Variants in PDE4D observed in about 807,000 individuals in gnomAD.
The protein encoded by PDE4D is 3',5'-cyclic-AMP phosphodiesterase 4D.
PDE4D carries 24 observed loss-of-function variants against 87.4 expected under a neutral mutation model. The observed-to-expected ratio is 0.27, with a 90% CI of 0.20 to 0.39. The LOEUF (loss-of-function observed/expected upper bound fraction) is 0.39. Among genes scored for constraint, PDE4D ranks in the 10% least tolerant of loss-of-function variants. The pLI is 1.00. For missense variants in PDE4D, 714 were observed against 1,041.0 expected (o/e 0.69, Z 4.32); for synonymous variants, 384 against 383.2 (o/e 1.00, Z -0.02).
chr5:60,239,832 T>G (rs1746874378), intron 1 of PDE4D, among the ~76,000 whole-genome samples: 1 of 152,062 alleles, frequency 6.6e-6, no homozygotes, highest in Non-Finnish European at 1.5e-5. Context: ...TTTCCTGAAC[T>G]TTTGTATTAT....
intron 1 of PDE4D, among the ~76,000 whole-genome samples, chr5:60,446,297 A>C (rs1431328135): frequency 6.6e-6 from 1 of 152,184 alleles, no homozygotes; most frequent in Non-Finnish European, 1.5e-5. Context: ...CATCCTAAGG[A>C]AATAATCCTG....
intron 3 of PDE4D, among the ~76,000 whole-genome samples, chr5:59,912,627 T>C (rs1480317467): frequency 1.3e-5 from 2 of 152,182 alleles, no homozygotes; most frequent in Non-Finnish European, 1.5e-5. Flanking sequence ...GGGTTGTACA[T>C]TCTTAGGCCC....
At chr5:59,592,987 T>A (rs941931689) in intron 1 of PDE4D, among the ~76,000 whole-genome samples, 5 of 151,692 alleles carry the variant, frequency 3.3e-5, no homozygotes, top group African/African-American at 1.2e-4. Context: ...TAATTTAAAA[T>A]TTTTTAATAA....
intron 1 of PDE4D, among the ~76,000 whole-genome samples, chr5:59,836,781 G>T (rs1033170913): frequency 6.6e-6 from 1 of 152,040 alleles, no homozygotes; most frequent in Non-Finnish European, 1.5e-5. Context: ...GAACAGGAGA[G>T]CATGAGAGAG....
intron 3 of PDE4D, among the ~76,000 whole-genome samples, chr5:59,966,718 A>G (rs1407410935): frequency 2.6e-5 from 4 of 152,192 alleles, no homozygotes; most frequent in Non-Finnish European, 5.9e-5. Flanking sequence ...TACAAAGTCA[A>G]TTTTCTAAAA....
At chr5:60,498,680 A>C (rs1463573198) in intron 1 of PDE4D, among the ~76,000 whole-genome samples, 2 of 152,176 alleles carry the variant, frequency 1.3e-5, no homozygotes, top group African/African-American at 4.8e-5. Flanking sequence ...TCCAGCTCTT[A>C]TGGTATCTAG....
chr5:59,692,192 T>G (rs1432132972), intron 1 of PDE4D, among the ~76,000 whole-genome samples: 1 of 152,144 alleles, frequency 6.6e-6, no homozygotes, highest in Admixed American at 6.6e-5. Flanking sequence ...AGTTAAGAAA[T>G]AAGACATAGG....
intron 2 of PDE4D, chr5:60,032,698 CAT>C (rs1767372075): frequency 6.6e-6 from 1 of 152,076 alleles, no homozygotes; most frequent in African/African-American, 2.4e-5. Context: ...AATGAGGTAA[CAT>C]GTGAAGCACT....
At chr5:59,885,825 TCTC>T (rs1554105556) in intron 1 of PDE4D, among the ~76,000 whole-genome samples, 1 of 152,168 alleles carries the variant, frequency 6.6e-6, no homozygotes. Flanking sequence ...ATAGGCTGCT[TCTC>T]CTCATACCAA....
intron 1 of PDE4D, among the ~76,000 whole-genome samples, chr5:60,298,781 C>G (rs1276840614): frequency 6.6e-6 from 1 of 152,162 alleles, no homozygotes; most frequent in African/African-American, 2.4e-5. Context: ...TTCTATACGA[C>G]CTTTGCAAAT....
chr5:59,550,215 C>A (rs1270596992), intron 1 of PDE4D, among the ~76,000 whole-genome samples: 1 of 151,906 alleles, frequency 6.6e-6, no homozygotes, highest in Non-Finnish European at 1.5e-5. Flanking sequence ...CCTTATGCAT[C>A]AGTATCCTAT....
chr5:59,704,586 T>C (rs1274732464), intron 1 of PDE4D, among the ~76,000 whole-genome samples: 1 of 152,252 alleles, frequency 6.6e-6, no homozygotes, highest in Non-Finnish European at 1.5e-5. Flanking sequence ...CTTGAGTTCC[T>C]ACTCTCAGAG....
At chr5:59,837,056 C>T (rs1410896897) in intron 1 of PDE4D, among the ~76,000 whole-genome samples, 1 of 151,998 alleles carries the variant, frequency 6.6e-6, no homozygotes, top group African/African-American at 2.4e-5. Flanking sequence ...CTCACCTTTC[C>T]CCAACTTCAA....
intron 5 of PDE4D, among the ~76,000 whole-genome samples, chr5:59,090,741 T>A (rs1337644316): frequency 6.6e-6 from 1 of 151,070 alleles, no homozygotes; most frequent in African/African-American, 2.4e-5. Context: ...TTCTACAGAG[T>A]CTCAGACGGG....
intron 2 of PDE4D, among the ~76,000 whole-genome samples, chr5:60,020,468 G>A (rs1419018566): frequency 6.6e-6 from 1 of 151,976 alleles, no homozygotes; most frequent in Non-Finnish European, 1.5e-5. Flanking sequence ...AATAAAATGA[G>A]GCATGCCTCA....
chr5:59,324,802 C>T (rs935977759), intron 1 of PDE4D, among the ~76,000 whole-genome samples: 6 of 152,122 alleles, frequency 3.9e-5, no homozygotes, highest in African/African-American at 1.4e-4. Context: ...CTGGCAGTTA[C>T]AGCTGCAAGC....
rs182883850 is a variant in PDE4D, at chr5:59,533,807, A to C, written c.456-317839T>G. 2.6e-4 allele frequency among the ~76,000 whole-genome samples: 39 copies of C among 152,282 alleles called. No homozygotes were observed. In the East Asian group the frequency reaches 6.8e-3, roughly 26 times the overall value. On this transcript the variant is annotated intron_variant, in intron 1 of 14. Coordinates refer to ENST00000340635, the MANE Select transcript of PDE4D (RefSeq NM_001104631.2). ...TTGGCCCTTCCAGGTGATTCTGATG[A>C]TCATTAGTGGATGCCCTTTTACTTT...
intron 1 of PDE4D, among the ~76,000 whole-genome samples, chr5:59,673,141 T>C (rs59308836): frequency 2.6e-4 from 40 of 152,318 alleles, no homozygotes; most frequent in African/African-American, 9.6e-4. Flanking sequence ...ATATGCATCC[T>C]TGTGCTTTTG....
intron 1 of PDE4D, among the ~76,000 whole-genome samples, chr5:59,806,742 T>G (rs1040109885): frequency 1.3e-5 from 2 of 152,220 alleles, no homozygotes; most frequent in Non-Finnish European, 2.9e-5. Context: ...TTTCAAATAT[T>G]TTTGAAAATT....
Sources: allele counts gnomAD v4.1 joint callset (sites outside exome capture counted in the v4.1 genomes callset), GRCh38; gene constraint gnomAD v4.1.1; transcripts MANE v1.5; gene names NCBI Gene and HGNC (gene_info 2026-07-23, HGNC 2026-07-21).